Variants in RGS6 observed in about 807,000 individuals in gnomAD.
RGS6 encodes regulator of G protein signaling 6.
In RGS6, 30 loss-of-function variants were observed where a neutral mutation model predicts 78.5. The observed-to-expected ratio is 0.38, with a 90% CI of 0.29 to 0.52. The LOEUF (loss-of-function observed/expected upper bound fraction) is 0.52, where lower values mean the gene tolerates loss of function less well. Among genes scored for constraint, RGS6 ranks in the 20% least tolerant of loss-of-function variants. The pLI is 0.85. For missense variants in RGS6, 495 were observed against 609.7 expected (o/e 0.81, Z 1.98); for synonymous variants, 206 against 206.0 (o/e 1.00, Z 0.00).
At chr14:72,522,280 C>G (rs746208370) in intron 15 of RGS6, among the ~76,000 whole-genome samples, 1 of 152,186 alleles carries the variant, frequency 6.6e-6, no homozygotes, top group African/African-American at 2.4e-5. Context: ...GTCATAAGGG[C>G]CTCTCTCATG....
intron 11 of RGS6, 88 bp downstream of exon 11, chr14:72,476,928 G>A: frequency 8.3e-7 from 1 of 1,203,966 alleles, no homozygotes; most frequent in Non-Finnish European, 1.2e-6. Context: ...GATTGAGCAA[G>A]CTTTGAGTTC....
At chr14:72,448,973 C>T (rs1038331658) in intron 3 of RGS6, among the ~76,000 whole-genome samples, 6 of 152,162 alleles carry the variant, frequency 3.9e-5, no homozygotes, top group Non-Finnish European at 5.9e-5. Context: ...GGGTCAAGTG[C>T]CCAGCTCTGG....
chr14:72,379,174 A>G (rs2085438353), intron 3 of RGS6, among the ~76,000 whole-genome samples: 1 of 152,136 alleles, frequency 6.6e-6, no homozygotes, highest in Non-Finnish European at 1.5e-5. Flanking sequence ...GTATAGAAGG[A>G]AAGTACCTTA....
intron 2 of RGS6, among the ~76,000 whole-genome samples, chr14:72,213,388 T>C (rs914203668): frequency 6.6e-6 from 1 of 152,150 alleles, no homozygotes; most frequent in Non-Finnish European, 1.5e-5. Context: ...GATCCTCTTG[T>C]TCACCTATGA....
chr14:72,428,895 A>G (rs1215481003), intron 3 of RGS6, among the ~76,000 whole-genome samples: 1 of 152,148 alleles, frequency 6.6e-6, no homozygotes, highest in Non-Finnish European at 1.5e-5. Context: ...CTCTAGAAGG[A>G]GTGATTCTGC....
intron 2 of RGS6, among the ~76,000 whole-genome samples, chr14:72,293,270 A>G (rs2063983807): frequency 6.6e-6 from 1 of 152,230 alleles, no homozygotes; most frequent in African/African-American, 2.4e-5. Context: ...ATTGTGTTTC[A>G]TCTCCAGTTA....
intron 14 of RGS6, among the ~76,000 whole-genome samples, chr14:72,517,259 G>C (rs888236401): frequency 2.4e-4 from 36 of 151,986 alleles, no homozygotes; most frequent in Admixed American, 2.4e-3. Flanking sequence ...CCTTTCTGTT[G>C]ACTAGACTAC....
At position 72,318,698 on chromosome 14, in the gene RGS6, A is replaced by G. The variant is rs1051709905; in HGVS notation, c.85-33397A>G. 2.0e-5 allele frequency among the ~76,000 whole-genome samples: 3 copies of G among 152,212 alleles called. No homozygotes were observed. In the South Asian group the frequency reaches 6.2e-4, roughly 32 times the overall value. On this transcript the variant is annotated intron_variant, in intron 2 of 17. Coordinates refer to ENST00000553525, the MANE Select transcript of RGS6 (RefSeq NM_001204424.2). ...CACGTCTCCAAAACTGGTACTTCAG[A>G]GCAGGCATACCCTAAAGGATGACGC... is the stretch of plus-strand genomic sequence containing the variant.
chr14:71,967,667 CTTG>C (rs2093604262), intron 2 of RGS6, among the ~76,000 whole-genome samples: 1 of 151,496 alleles, frequency 6.6e-6, no homozygotes, highest in Non-Finnish European at 1.5e-5. Flanking sequence ...TTTTTTTTCT[CTTG>C]TTGTCAGACA....
intron 2 of RGS6, among the ~76,000 whole-genome samples, chr14:72,035,886 A>T (rs1411521618): frequency 6.6e-6 from 1 of 152,112 alleles, no homozygotes; most frequent in East Asian, 1.9e-4. Context: ...ATATGGTAAA[A>T]TTGACGTTGT....
intron 16 of RGS6, among the ~76,000 whole-genome samples, chr14:72,539,746 G>A (rs934651762): frequency 6.6e-6 from 1 of 152,206 alleles, no homozygotes; most frequent in Non-Finnish European, 1.5e-5. Context: ...GCAAAGTCAT[G>A]ATGGTTCTGA....
At chr14:72,529,135 G>A (rs961395418) in intron 15 of RGS6, among the ~76,000 whole-genome samples, 8 of 152,204 alleles carry the variant, frequency 5.3e-5, no homozygotes, top group Non-Finnish European at 1.2e-4. Flanking sequence ...GCTGCATTTC[G>A]TTGCTTGGGG....
intron 2 of RGS6, among the ~76,000 whole-genome samples, chr14:72,107,306 C>T (rs2095654010): frequency 6.6e-6 from 1 of 152,062 alleles, no homozygotes; most frequent in Non-Finnish European, 1.5e-5. Context: ...CGTAGCAAAT[C>T]ATCCCTATTG....
chr14:72,601,709 T>C, the RGS6 span, among the ~76,000 whole-genome samples: 1 of 152,230 alleles, frequency 6.6e-6, no homozygotes, highest in Non-Finnish European at 1.5e-5. Context: ...CCCGTAAATA[T>C]GTACAATTAT....
At chr14:72,265,944 G>A (rs1302239148) in intron 2 of RGS6, among the ~76,000 whole-genome samples, 1 of 146,284 alleles carries the variant, frequency 6.8e-6, no homozygotes, top group Non-Finnish European at 1.5e-5. Flanking sequence ...TTTTTGGGGG[G>A]GGGGGCGGGA....
At chr14:72,397,865 G>A (rs373317756) in intron 3 of RGS6, among the ~76,000 whole-genome samples, 62 of 152,194 alleles carry the variant, frequency 4.1e-4, no homozygotes, top group East Asian at 1.5e-3. Context: ...ATTGATTTTC[G>A]TATGTTGAAC....
At chr14:71,967,182 G>A (rs536520353) in intron 2 of RGS6, among the ~76,000 whole-genome samples, 74 of 94,098 alleles carry the variant, frequency 7.9e-4, no homozygotes, top group African/African-American at 3.1e-3. Flanking sequence ...ACAAACTTGT[G>A]TAAAGAGTAT....
chr14:72,518,203 A>G (rs980009854), intron 14 of RGS6, 148 bp from the exon 15 acceptor site: 1 of 668,970 alleles, frequency 1.5e-6, no homozygotes, highest in Admixed American at 2.8e-5. Context: ...CACAATCTCC[A>G]TGGTCTTTGC....
chr14:71,984,154 A>G (rs2094580594), intron 2 of RGS6, among the ~76,000 whole-genome samples: 1 of 152,148 alleles, frequency 6.6e-6, no homozygotes, highest in African/African-American at 2.4e-5. Flanking sequence ...CTTGCTAGGT[A>G]AGTGGTATTC....
Sources: gnomAD v4.1 joint callset for allele counts (sites outside exome capture counted in the v4.1 genomes callset) on GRCh38, gnomAD v4.1.1 for gene constraint, MANE v1.5 for transcripts, NCBI Gene and HGNC (gene_info 2026-07-23, HGNC 2026-07-21) for gene names.